Variants in SPHKAP observed in about 807,000 individuals in gnomAD.
The protein encoded by SPHKAP is SPHK1 interactor, AKAP domain containing.
In SPHKAP, 67 loss-of-function variants were observed where a neutral mutation model predicts 137.5. The observed-to-expected ratio is 0.49, with a 90% CI of 0.40 to 0.60. The LOEUF is 0.60. SPHKAP is among the 20% of genes least tolerant of loss of function. The pLI is 0.00. For missense variants in SPHKAP, 2,097 were observed against 2,069.3 expected, an observed-to-expected ratio of 1.01 and a Z score of -0.26; for synonymous variants, 813 against 785.3, an observed-to-expected ratio of 1.04 and a Z score of -0.59.
chr2:228,152,120 G>A (rs1193722320), intron 1 of SPHKAP, among the ~76,000 whole-genome samples: 1 of 152,076 alleles, frequency 6.6e-6, no homozygotes, highest in East Asian at 1.9e-4. Context: ...TATTTGTTGA[G>A]AATTGCTTTA....
rs201890673 is a variant in SPHKAP at position 227,981,686 on chromosome 2, G to C, written c.*31C>G. 63 of 1,593,440 alleles carry C rather than the reference G, an allele frequency of 4.0e-5. No homozygotes were observed. In the African/African-American group the frequency reaches 7.6e-4, roughly 19 times the overall value. On this transcript the variant is annotated 3_prime_UTR_variant, in exon 12 of 12. Transcript: ENST00000392056. The stretch of plus-strand genomic sequence containing the variant: ...ACTGTAATCTAAGTTGGAATAAAGG[G>C]AAGGAATGATCTATACGGCAGACTG...
rs1230057039 is a variant in SPHKAP, at chr2:227,981,491, T to C, written c.*226A>G. 1 of 386,580 alleles carries C rather than the reference T, an allele frequency of 2.6e-6. No individual in the cohort carries two copies. Among genetic ancestry groups the C allele is most frequent in the African/African-American group, 2.1e-5 (1 of 47,732 alleles). The allele number at this position is 386,580 out of a possible 1,614,324, so 23.9% of individuals were successfully genotyped here. A position where few individuals can be genotyped will look rare whatever the true frequency, so the allele number is the denominator to read the frequency against. ...TTCTCTCTTTGTCCAGCCCTTCTAATCCAAGCTCTTTGGAACTCACCCACA... is the reference window on the plus strand; with the variant it reads ...TTCTCTCTTTGTCCAGCCCTTCTAACCCAAGCTCTTTGGAACTCACCCACA... On this transcript the variant is annotated 3_prime_UTR_variant, in exon 12 of 12. Coordinates refer to ENST00000392056, the MANE Select transcript of SPHKAP (RefSeq NM_001142644.2).
chr2:228,035,263 A>C lies in SPHKAP; in HGVS notation c.247-7720T>G, dbSNP rs1280047670. Among the ~76,000 whole-genome samples, 2 of 150,014 alleles carry C rather than the reference A, an allele frequency of 1.3e-5. 1 individual carries two copies. On this transcript the variant is annotated intron_variant, in intron 3 of 11. Coordinates refer to ENST00000392056, the MANE Select transcript of SPHKAP (RefSeq NM_001142644.2). ...CAGACAAACAGAGAGCCAAATCATG[A>C]GTGAACTCCCATTCACAACTGCTTC...
chr2:228,018,973 T>G lies in SPHKAP; in HGVS notation c.1881A>C (p.Leu627Phe). The G allele has an allele frequency of 6.2e-7, 1 of 1,614,156 alleles. No individual in the cohort carries two copies. The highest frequency in any genetic ancestry group is 2.2e-5 in the East Asian group (1 of 44,866). Reference sequence around the variant, plus strand: ...TGCTGCTGTAGGTATTAGGCCTTGTTAAAACCAGAGCAGCCTCCTTGAGCA... The same window carrying G: ...TGCTGCTGTAGGTATTAGGCCTTGTGAAAACCAGAGCAGCCTCCTTGAGCA... ...KGLLKEAALV[L>F]TRPNTYSSIG... is the part of the protein sequence containing the mutation. The change falls in exon 7 of 12, where the codon TTA becomes TTC. Residue 627 changes from leucine to phenylalanine, a missense_variant. By Grantham distance (22) the Leu-to-Phe change is conservative. Coordinates refer to ENST00000392056, the MANE Select transcript of SPHKAP (RefSeq NM_001142644.2).
chr2:228,115,956 G>T (rs1049742348), intron 2 of SPHKAP, among the ~76,000 whole-genome samples: 4 of 152,114 alleles, frequency 2.6e-5, no homozygotes, highest in African/African-American at 9.7e-5. Context: ...ATAAAAAAAG[G>T]CTTGAAAGCT....
intron 3 of SPHKAP, among the ~76,000 whole-genome samples, chr2:228,085,457 T>A (rs529666349): frequency 3.3e-5 from 5 of 152,320 alleles, no homozygotes; most frequent in African/African-American, 1.2e-4. Context: ...ACGAACAGCA[T>A]CAATAGACAA....
At chr2:228,020,962 A>G (rs1339699122) in intron 6 of SPHKAP, among the ~76,000 whole-genome samples, 1 of 152,140 alleles carries the variant, frequency 6.6e-6, no homozygotes. Flanking sequence ...AGAGCTTCCC[A>G]GTGGGTACAG....
At chr2:228,089,642 G>A (rs1420406708) in intron 3 of SPHKAP, among the ~76,000 whole-genome samples, 1 of 152,194 alleles carries the variant, frequency 6.6e-6, no homozygotes, top group African/African-American at 2.4e-5. Context: ...AGAGGCCTAG[G>A]AGGAAAGAAA....
Position 228,177,006 on chromosome 2 carries a change from C to A in SPHKAP, c.32+4561G>T, listed in dbSNP as rs546961168. Reference sequence around the variant, plus strand: ...TGTAACACCAAGAAAAAACTCAGTTCAAATGAGTAGCACTAGCCAAAGGAG... The same window carrying A: ...TGTAACACCAAGAAAAAACTCAGTTAAAATGAGTAGCACTAGCCAAAGGAG... On this transcript the variant is annotated intron_variant, in intron 1 of 11. Transcript: ENST00000392056. Among the ~76,000 whole-genome samples, 25 of 151,990 alleles carry A rather than the reference C, an allele frequency of 1.6e-4. 1 individual carries two copies. The highest frequency in any genetic ancestry group is 3.2e-3 in the Middle Eastern group (1 of 316).
In SPHKAP at chr2:228,030,758, T is replaced by C. The variant is rs116615214; in HGVS notation, c.247-3215A>G. 7.6e-4 allele frequency among the ~76,000 whole-genome samples: 116 copies of C among 151,854 alleles called. 1 individual carries two copies. Among genetic ancestry groups the C allele is most frequent in the Middle Eastern group, 3.4e-3 (1 of 294 alleles). On this transcript the variant is annotated intron_variant, in intron 3 of 11. Transcript: ENST00000392056. The stretch of plus-strand genomic sequence containing the variant: ...TTTTTTTACATTTTTGACTAACTAC[T>C]CTTTGGTCACCTCTTCATGTGAAAG...
At position 228,019,869 on chromosome 2, in the gene SPHKAP, T is replaced by C. The variant is rs765833904; in HGVS notation, c.985A>G (p.Lys329Glu). The C allele has an allele frequency of 6.2e-7, 1 of 1,614,228 alleles. No homozygotes were observed. The highest frequency in any genetic ancestry group is 8.5e-7 in the Non-Finnish European group (1 of 1,180,040). The change falls in exon 7 of 12, where the codon AAA (lysine) becomes GAA (glutamate). Residue 329 changes from lysine (K) to glutamate (E), a missense_variant. Lys to Glu is a moderately conservative substitution (Grantham distance 56). Transcript: ENST00000392056. ...ATHYYHSEAF[K>E]GQMEKSQALY... ...GCCTGTGATTTTTCCATTTGACCTT[T>C]AAAAGCTTCTGAATGATAATAATGT...
At chr2:228,059,153 A>G (rs969497022) in intron 3 of SPHKAP, among the ~76,000 whole-genome samples, 1 of 152,154 alleles carries the variant, frequency 6.6e-6, no homozygotes, top group African/African-American at 2.4e-5. Context: ...GTGATATTCT[A>G]CTGTCTGGAT....
chr2:228,179,576 T>C (rs1186373006), intron 1 of SPHKAP, among the ~76,000 whole-genome samples: 1 of 152,134 alleles, frequency 6.6e-6, no homozygotes, highest in Non-Finnish European at 1.5e-5. Context: ...GATTTGTGGA[T>C]TAAGAAGGCT....
intron 1 of SPHKAP, among the ~76,000 whole-genome samples, chr2:228,172,490 T>C (rs940498093): frequency 2.0e-5 from 3 of 152,102 alleles, no homozygotes; most frequent in African/African-American, 7.2e-5. Flanking sequence ...TGTTGTTAGG[T>C]AGTGATAAGG....
At chr2:228,167,193 G>A (rs999857833) in intron 1 of SPHKAP, among the ~76,000 whole-genome samples, 1 of 152,182 alleles carries the variant, frequency 6.6e-6, no homozygotes, top group African/African-American at 2.4e-5. Flanking sequence ...TAGTTAGGAT[G>A]TTCTCTGAAT....
At chr2:228,122,489 A>G (rs553019795) in intron 2 of SPHKAP, among the ~76,000 whole-genome samples, 2 of 152,316 alleles carry the variant, frequency 1.3e-5, no homozygotes, top group Non-Finnish European at 2.9e-5. Flanking sequence ...GAAGTCCTCA[A>G]ACAGACTGAC....
In SPHKAP at chr2:228,113,044, C is replaced by T. The variant is rs549621436; in HGVS notation, c.139-4105G>A. Among the ~76,000 whole-genome samples, 5 of 152,120 alleles carry T rather than the reference C, an allele frequency of 3.3e-5. 1 individual carries two copies. The highest frequency in any genetic ancestry group is 1.2e-4 in the African/African-American group (5 of 41,526). On this transcript the variant is annotated intron_variant, in intron 2 of 11. Transcript: ENST00000392056. ...ATTTAAAATAAAACCTAAATCTTGCCGTGCTTAAGAAGAAATGTTTGGACG... is the reference window on the plus strand; with the variant it reads ...ATTTAAAATAAAACCTAAATCTTGCTGTGCTTAAGAAGAAATGTTTGGACG...
At chr2:227,982,650 G>C (rs1277168228) in intron 11 of SPHKAP, among the ~76,000 whole-genome samples, 1 of 152,136 alleles carries the variant, frequency 6.6e-6, no homozygotes, top group Non-Finnish European at 1.5e-5. Flanking sequence ...AGGAACTGTA[G>C]GAAATATTTT....
At chr2:228,123,847 A>G (rs1422067917) in intron 2 of SPHKAP, among the ~76,000 whole-genome samples, 1 of 152,224 alleles carries the variant, frequency 6.6e-6, no homozygotes, top group African/African-American at 2.4e-5. Context: ...ACAAAGGGCT[A>G]ATATCCAGAA....
Sources: gnomAD v4.1 joint callset for allele counts (sites outside exome capture counted in the v4.1 genomes callset) on GRCh38, gnomAD v4.1.1 for gene constraint, MANE v1.5 for transcripts, NCBI Gene and HGNC (gene_info 2026-07-23, HGNC 2026-07-21) for gene names.